Variants in ACOXL observed in about 807,000 individuals in gnomAD.
The protein encoded by ACOXL is acyl-coenzyme A oxidase-like protein.
ACOXL carries 70 observed loss-of-function variants against 71.9 expected under a neutral mutation model. The observed-to-expected ratio is 0.97, with a 90% CI of 0.80 to 1.19. The LOEUF (loss-of-function observed/expected upper bound fraction) is 1.19. ACOXL is among the 50% of genes most tolerant of loss of function. The pLI is 0.00. For synonymous variants in ACOXL, 253 were observed against 281.6 expected (o/e 0.90, Z 1.02); for missense variants, 703 against 736.3 (o/e 0.95, Z 0.52).
chr2:111,031,753 T>A, intron 15 of ACOXL, 39 bp downstream of exon 15: 1 of 1,595,540 alleles, frequency 6.3e-7, no homozygotes, highest in Non-Finnish European at 8.6e-7. Flanking sequence ...ATTGAGTGAC[T>A]CAGGGGTCTA....
At chr2:110,913,476 A>G (rs970972301) in intron 11 of ACOXL, among the ~76,000 whole-genome samples, 1 of 152,230 alleles carries the variant, frequency 6.6e-6, no homozygotes, top group African/African-American at 2.4e-5. Context: ...CCTTGAAAAC[A>G]TTATGCTAAG....
chr2:110,950,717 T>G (rs1424937339), intron 12 of ACOXL, among the ~76,000 whole-genome samples: 1 of 152,000 alleles, frequency 6.6e-6, no homozygotes, highest in Non-Finnish European at 1.5e-5. Flanking sequence ...TACATCTTAG[T>G]TAAGATTATT....
At chr2:110,981,944 C>G (rs1296804359) in intron 12 of ACOXL, among the ~76,000 whole-genome samples, 1 of 152,130 alleles carries the variant, frequency 6.6e-6, no homozygotes, top group African/African-American at 2.4e-5. Flanking sequence ...GGAGGGAAAC[C>G]AGAAAGGGGA....
At chr2:110,992,085 C>T (rs1256784556) in intron 13 of ACOXL, among the ~76,000 whole-genome samples, 2 of 152,176 alleles carry the variant, frequency 1.3e-5, no homozygotes, top group Admixed American at 6.5e-5. Flanking sequence ...AAGCACGACA[C>T]GCTCTCACCC....
intron 5 of ACOXL, among the ~76,000 whole-genome samples, chr2:110,796,712 C>T (rs1685328091): frequency 6.6e-6 from 1 of 152,194 alleles, no homozygotes; most frequent in Non-Finnish European, 1.5e-5. Context: ...CAATGCCTCT[C>T]CTTGAGAAGC....
intron 12 of ACOXL, among the ~76,000 whole-genome samples, chr2:110,934,988 G>T (rs1037545163): frequency 2.6e-5 from 4 of 152,198 alleles, no homozygotes; most frequent in Non-Finnish European, 4.4e-5. Context: ...GGCCCTGCCA[G>T]GGGGCTGGTT....
intron 10 of ACOXL, among the ~76,000 whole-genome samples, chr2:110,855,146 C>CT (rs1469813574): frequency 6.6e-6 from 1 of 152,152 alleles, no homozygotes; most frequent in East Asian, 1.9e-4. Flanking sequence ...CTTCTTACAT[C>CT]TTTTTTGTAT....
intron 16 of ACOXL, among the ~76,000 whole-genome samples, chr2:111,086,496 CG>C (rs2068214856): frequency 6.6e-6 from 1 of 151,844 alleles, no homozygotes; most frequent in Non-Finnish European, 1.5e-5. Context: ...AGATGAAATT[CG>C]ATAGATAGAT....
chr2:110,962,264 C>T (rs1017668625), intron 12 of ACOXL, among the ~76,000 whole-genome samples: 2 of 152,184 alleles, frequency 1.3e-5, no homozygotes, highest in Non-Finnish European at 2.9e-5. Context: ...TAGCCTTATG[C>T]GGAAATCACT....
At chr2:110,999,272 C>G (rs576550866) in intron 14 of ACOXL, among the ~76,000 whole-genome samples, 15 of 152,092 alleles carry the variant, frequency 9.9e-5, no homozygotes, top group Non-Finnish European at 2.1e-4. Flanking sequence ...AGAATACTGT[C>G]GTATTGCATT....
intron 14 of ACOXL, among the ~76,000 whole-genome samples, chr2:110,996,824 G>A (rs2063416587): frequency 6.6e-6 from 1 of 152,196 alleles, no homozygotes. Context: ...ATGGGAATGG[G>A]TATTCTCTTA....
intron 10 of ACOXL, among the ~76,000 whole-genome samples, chr2:110,899,886 C>T (rs1170770659): frequency 1.3e-5 from 2 of 152,060 alleles, no homozygotes; most frequent in South Asian, 2.1e-4. Flanking sequence ...TCTCTAGGGT[C>T]GGCTGATTGA....
At chr2:111,011,524 G>A (rs1015781957) in intron 14 of ACOXL, among the ~76,000 whole-genome samples, 2 of 152,170 alleles carry the variant, frequency 1.3e-5, no homozygotes, top group East Asian at 1.9e-4. Flanking sequence ...AAAAGATATA[G>A]CATGCAATTA....
At chr2:110,911,680 G>T (rs537351974) in intron 11 of ACOXL, among the ~76,000 whole-genome samples, 3 of 151,982 alleles carry the variant, frequency 2.0e-5, no homozygotes, top group Admixed American at 2.0e-4. Flanking sequence ...TGATAAAAAC[G>T]CTCAACAAAC....
chr2:110,801,795 C>A, intron 8 of ACOXL, 71 bp downstream of exon 8: 1 of 1,375,734 alleles, frequency 7.3e-7, no homozygotes, highest in Non-Finnish European at 1.0e-6. Context: ...TGGCTTGGGT[C>A]TTGGGTCTCA....
At chr2:110,810,798 T>C (rs1463886266) in intron 9 of ACOXL, among the ~76,000 whole-genome samples, 1 of 152,232 alleles carries the variant, frequency 6.6e-6, no homozygotes, top group Non-Finnish European at 1.5e-5. Flanking sequence ...AATAAAGACA[T>C]ACCTGACACT....
chr2:110,877,918 T>C (rs1470983371), intron 10 of ACOXL, among the ~76,000 whole-genome samples: 1 of 152,206 alleles, frequency 6.6e-6, no homozygotes, highest in Non-Finnish European at 1.5e-5. Flanking sequence ...GCAATCCTTC[T>C]TCCTGAGCAG....
intron 10 of ACOXL, among the ~76,000 whole-genome samples, chr2:110,846,891 T>A (rs1419071144): frequency 2.0e-5 from 3 of 152,102 alleles, no homozygotes; most frequent in Non-Finnish European, 4.4e-5. Flanking sequence ...ATGGTGTAAA[T>A]GTACCAAGCA....
intron 17 of ACOXL, chr2:111,100,904 T>TA (rs1558969409): frequency 6.5e-6 from 1 of 152,682 alleles, no homozygotes; most frequent in Non-Finnish European, 1.5e-5. Flanking sequence ...ATTCTGACTG[T>TA]ATCTGCTCAA....
Sources: allele counts gnomAD v4.1 joint callset (sites outside exome capture counted in the v4.1 genomes callset), GRCh38; gene constraint gnomAD v4.1.1; transcripts MANE v1.5; gene names NCBI Gene and HGNC (gene_info 2026-07-23, HGNC 2026-07-21).